EPB41L4A: variants seen among roughly 807,000 people sequenced by gnomAD.
The protein encoded by EPB41L4A is band 4.1-like protein 4A.
EPB41L4A carries 100 observed loss-of-function variants against 108.6 expected under a neutral mutation model. The ratio of observed to expected loss-of-function variants is 0.92; its 90% CI spans 0.78 to 1.09. The LOEUF (loss-of-function observed/expected upper bound fraction) is 1.09. Ranked by LOEUF, EPB41L4A falls within the 50% of genes least tolerant of loss-of-function variation. EPB41L4A has a pLI of 0.00. For missense variants in EPB41L4A, 1,030 were observed against 842.7 expected, an observed-to-expected ratio of 1.22 and a Z score of -2.75; for synonymous variants, 319 against 289.0, an observed-to-expected ratio of 1.10 and a Z score of -1.05.
chr5:112,357,994 A>G (rs562953067), intron 1 of EPB41L4A, among the ~76,000 whole-genome samples: 35 of 152,362 alleles, frequency 2.3e-4, no homozygotes, highest in African/African-American at 8.4e-4. Context: ...TAGTCCAAGA[A>G]CAAGTGACCA....
intron 4 of EPB41L4A, among the ~76,000 whole-genome samples, chr5:112,275,017 C>T (rs941585393): frequency 1.3e-5 from 2 of 152,140 alleles, no homozygotes; most frequent in Admixed American, 6.5e-5. Flanking sequence ...TTAGGCAGTT[C>T]AAATAACTTC....
chr5:112,288,671 G>A (rs569915395), intron 2 of EPB41L4A, among the ~76,000 whole-genome samples: 13 of 152,220 alleles, frequency 8.5e-5, no homozygotes, highest in African/African-American at 2.6e-4. Flanking sequence ...ATTTATACTG[G>A]TTATCCTATG....
intron 1 of EPB41L4A, among the ~76,000 whole-genome samples, chr5:112,340,828 A>G (rs572092366): frequency 1.3e-5 from 2 of 152,324 alleles, no homozygotes; most frequent in South Asian, 4.1e-4. Flanking sequence ...AGCAAGCCCA[A>G]AACATTCACT....
chr5:112,367,899 A>G (rs745844274), intron 1 of EPB41L4A, among the ~76,000 whole-genome samples: 3 of 150,314 alleles, frequency 2.0e-5, no homozygotes, highest in Non-Finnish European at 4.4e-5. Flanking sequence ...ACCACCAAAT[A>G]CTATAACCCA....
At chr5:112,386,140 C>T (rs773455305) in intron 1 of EPB41L4A, among the ~76,000 whole-genome samples, 13 of 152,216 alleles carry the variant, frequency 8.5e-5, no homozygotes, top group Non-Finnish European at 1.3e-4. Flanking sequence ...ATAAGCACAG[C>T]TGTTTGTACT....
chr5:112,318,270 T>C (rs769191605), intron 1 of EPB41L4A, among the ~76,000 whole-genome samples: 7 of 152,040 alleles, frequency 4.6e-5, no homozygotes, highest in Non-Finnish European at 1.0e-4. Context: ...AACAAAGCAG[T>C]CCACAAGGAA....
intron 17 of EPB41L4A, among the ~76,000 whole-genome samples, chr5:112,191,792 C>G (rs371967899): frequency 6.6e-6 from 1 of 152,072 alleles, no homozygotes; most frequent in Non-Finnish European, 1.5e-5. Context: ...GGATACATCA[C>G]GGGCTCCAAA....
chr5:112,152,505 G>T (rs1382621438), intron 12 of EPB41L4A, among the ~76,000 whole-genome samples: 8 of 152,110 alleles, frequency 5.3e-5, no homozygotes, highest in Admixed American at 5.2e-4. Flanking sequence ...AAGGCTTGAG[G>T]GAGCCTGTTA....
intron 3 of EPB41L4A, among the ~76,000 whole-genome samples, chr5:112,279,780 C>A (rs1468822187): frequency 6.6e-6 from 1 of 151,932 alleles, no homozygotes; most frequent in Non-Finnish European, 1.5e-5. Flanking sequence ...AAGCTAGCTC[C>A]CAAAAATGGT....
At chr5:112,145,166 T>G (rs1282454433) in intron 13 of EPB41L4A, among the ~76,000 whole-genome samples, 4 of 152,142 alleles carry the variant, frequency 2.6e-5, no homozygotes, top group African/African-American at 9.7e-5. Flanking sequence ...GGCACAAACC[T>G]GTAATCCCAG....
Position 112,204,376 on chromosome 5 carries a change from T to G in EPB41L4A, c.1375A>C (p.Arg459=). Residue 459 remains arginine (R), a splice_region_variant and synonymous_variant, in exon 15 of 23, where the codon AGG becomes CGG. Transcript: ENST00000261486. The stretch of plus-strand genomic sequence containing the variant: ...ACAGAGAGATTGTGTTCCGCTTACC[T>G]CCTCCTCACAGGCTGTACAGAATCA... ...DNDSVQPVRR[R]KAHNSGEDSD... 6.2e-7 allele frequency: 1 copy of G among 1,604,728 alleles called. No homozygotes were observed. The highest frequency in any genetic ancestry group is 2.2e-5 in the East Asian group (1 of 44,822).
chr5:112,392,003 C>A (rs545155902), intron 1 of EPB41L4A, among the ~76,000 whole-genome samples: 1 of 152,006 alleles, frequency 6.6e-6, no homozygotes, highest in African/African-American at 2.4e-5. Flanking sequence ...AGAAATAAAT[C>A]GTTTACAGAC....
chr5:112,301,711 CCTGT>C (rs1561552563), intron 2 of EPB41L4A, among the ~76,000 whole-genome samples: 1 of 152,062 alleles, frequency 6.6e-6, no homozygotes, highest in African/African-American at 2.4e-5. Flanking sequence ...AGTCCTGCCC[CCTGT>C]CTGTCAATTT....
At chr5:112,252,926 T>A (rs1750794205) in intron 9 of EPB41L4A, among the ~76,000 whole-genome samples, 1 of 151,676 alleles carries the variant, frequency 6.6e-6, no homozygotes, top group Admixed American at 6.6e-5. Context: ...TGACAATAAA[T>A]AAAAGGGAGA....
At chr5:112,221,647 G>A (rs1271972413) in intron 12 of EPB41L4A, among the ~76,000 whole-genome samples, 1 of 152,134 alleles carries the variant, frequency 6.6e-6, no homozygotes, top group African/African-American at 2.4e-5. Flanking sequence ...CAGATTAGGG[G>A]CCAAGCTTTA....
chr5:112,189,481 T>G (rs911824397), intron 17 of EPB41L4A, among the ~76,000 whole-genome samples: 28 of 152,312 alleles, frequency 1.8e-4, no homozygotes, highest in African/African-American at 6.0e-4. Flanking sequence ...TACATATATA[T>G]GTACACAAAC....
intron 1 of EPB41L4A, among the ~76,000 whole-genome samples, chr5:112,309,511 G>A (rs1754911757): frequency 6.6e-6 from 1 of 152,170 alleles, no homozygotes; most frequent in African/African-American, 2.4e-5. Context: ...CTATATGGTT[G>A]TCTTTTATAT....
In EPB41L4A at chr5:112,240,831, G is replaced by C. The variant is rs201653230; in HGVS notation, c.796-21C>G. On this transcript the variant is annotated intron_variant, in intron 9 of 22. Transcript: ENST00000261486. ...TTACACTAAGAGAGAAAGAGAGACA[G>C]AATATGAATAATGACCAGGGAAGGA... The C allele has an allele frequency of 5.7e-5, 82 of 1,431,052 alleles. No individual in the cohort carries two copies. In the East Asian group the frequency reaches 1.9e-3, roughly 33 times the overall value. 88.6% of individuals were successfully genotyped at this position (1,431,052 alleles called of 1,614,324 possible). A position where few individuals can be genotyped will look rare whatever the true frequency, so the allele number is the denominator to read the frequency against.
intron 12 of EPB41L4A, among the ~76,000 whole-genome samples, chr5:112,221,745 G>A (rs564926606): frequency 6.6e-6 from 1 of 152,282 alleles, no homozygotes; most frequent in South Asian, 2.1e-4. Flanking sequence ...AAGAAAAAAG[G>A]TGTCATTTAT....
Sources: gnomAD v4.1 joint callset for allele counts (sites outside exome capture counted in the v4.1 genomes callset) on GRCh38, gnomAD v4.1.1 for gene constraint, MANE v1.5 for transcripts, NCBI Gene and HGNC (gene_info 2026-07-23, HGNC 2026-07-21) for gene names.